Variants in SOAT2 observed in about 807,000 individuals in gnomAD.
SOAT2 encodes sterol O-acyltransferase 2, also known as ACAT-2.
Under a neutral mutation model 76.0 loss-of-function variants are expected in SOAT2, and 87 were observed. The ratio of observed to expected loss-of-function variants is 1.14; its 90% CI spans 0.96 to 1.37. The LOEUF (loss-of-function observed/expected upper bound fraction) is 1.37, where lower values mean the gene tolerates loss of function less well. SOAT2 is among the 40% of genes most tolerant of loss of function. SOAT2 has a pLI of 0.00. For synonymous variants in SOAT2, 285 were observed against 275.4 expected (o/e 1.03, Z -0.34); for missense variants, 686 against 682.1 (o/e 1.01, Z -0.06).
intron 2 of SOAT2, among the ~76,000 whole-genome samples, chr12:53,104,578 G>A (rs1024356130): frequency 6.6e-6 from 1 of 152,072 alleles, no homozygotes; most frequent in African/African-American, 2.4e-5. Flanking sequence ...CCAGCCTGAT[G>A]ACTTGTTCCT....
chr12:53,124,125 G>A lies in SOAT2; in HGVS notation c.*2G>A, dbSNP rs762232374. On this transcript the variant is annotated 3_prime_UTR_variant, in exon 15 of 15. Transcript: ENST00000301466. ...CGATCTTGGTCCTGCCATACCTAGA[G>A]GTCGGGACAGACGACGCTACCTGCC... 1.2e-6 allele frequency: 2 copies of A among 1,614,018 alleles called. No individual in the cohort carries two copies. The highest frequency in any genetic ancestry group is 1.3e-5 in the African/African-American group (1 of 74,894).
Position 53,122,956 on chromosome 12 carries a change from G to C in SOAT2, c.1237-125G>C, listed in dbSNP as rs930953255. 36 of 1,066,640 alleles carry C rather than the reference G, an allele frequency of 3.4e-5. No homozygotes were observed. In the East Asian group the frequency reaches 8.9e-4, roughly 26 times the overall value. The allele number at this position is 1,066,640 out of a possible 1,614,324, so 66.1% of individuals were successfully genotyped here. A position where few individuals can be genotyped will look rare whatever the true frequency, so the allele number is the denominator to read the frequency against. ...TCCCGGACGGGGCGGCTGGCCGGGC[G>C]GGGGGCTGACCCCCCCACCTCCCTG... On this transcript the variant is annotated intron_variant, in intron 12 of 14. Transcript: ENST00000301466.
Position 53,121,406 on chromosome 12 carries a change from G to A in SOAT2, c.1236+5G>A. On this transcript the variant is annotated splice_donor_5th_base_variant and intron_variant, in intron 12 of 14. Coordinates refer to ENST00000301466, the MANE Select transcript of SOAT2 (RefSeq NM_003578.4). ...GTGTATCAGGATGGGCTGCGGGTATGGGCCCTGCAGACCCCTTCAGCTCTC... is the reference window on the plus strand; with the variant it reads ...GTGTATCAGGATGGGCTGCGGGTATAGGCCCTGCAGACCCCTTCAGCTCTC... The A allele has an allele frequency of 6.2e-7, 1 of 1,608,500 alleles. No individual in the cohort carries two copies. Among genetic ancestry groups the A allele is most frequent in the Non-Finnish European group, 8.5e-7 (1 of 1,174,908 alleles).
chr12:53,122,307 C>T (rs1348081002), intron 12 of SOAT2, among the ~76,000 whole-genome samples: 1 of 149,316 alleles, frequency 6.7e-6, no homozygotes, highest in Non-Finnish European at 1.5e-5. Flanking sequence ...TCTGACACAG[C>T]ATTAGGTCAA....
chr12:53,122,338 C>T (rs967217104), intron 12 of SOAT2, among the ~76,000 whole-genome samples: 1 of 149,978 alleles, frequency 6.7e-6, no homozygotes, highest in Non-Finnish European at 1.5e-5. Flanking sequence ...CCCCAAACTA[C>T]CTTTTTTTTT....
chr12:53,105,082 G>T (rs1389473952), intron 2 of SOAT2, 25 bp from the exon 3 acceptor site: 1 of 1,552,320 alleles, frequency 6.4e-7, no homozygotes, highest in Admixed American at 2.0e-5. Flanking sequence ...GGGACAGTGG[G>T]CTCTACCCTG....
At chr12:53,121,440 T>C (rs746190100) in intron 12 of SOAT2, 39 bp downstream of exon 12, 107 of 1,498,924 alleles carry the variant, frequency 7.1e-5, no homozygotes, top group Non-Finnish European at 3.1e-5. Flanking sequence ...TCACAGTTAA[T>C]AGGGGCTCTC....
Position 53,103,657 on chromosome 12 carries a change from A to T in SOAT2, c.80A>T (p.Asp27Val). The change falls in exon 1 of 15, where the codon GAT becomes GTT. Residue 27 changes from aspartate (D) to valine (V), a missense_variant and splice_region_variant. Asp to Val is a radical substitution (Grantham distance 152). Transcript: ENST00000301466. ...GAGCGGGAGCGCCAACCCTGTGGAG[A>T]TGGTGAGCCGCCCTCGGGGGTGCAG... ...GGERERQPCG[D>V]GNTETHRAPD... 1 of 1,530,718 alleles carries T rather than the reference A, an allele frequency of 6.5e-7. No homozygotes were observed. Among genetic ancestry groups the T allele is most frequent in the Non-Finnish European group, 8.8e-7 (1 of 1,140,388 alleles). 94.8% of individuals were successfully genotyped at this position (1,530,718 alleles called of 1,614,324 possible).
chr12:53,103,848 C>G (rs1937881083), intron 1 of SOAT2, among the ~76,000 whole-genome samples, 189 bp downstream of exon 1: 1 of 152,206 alleles, frequency 6.6e-6, no homozygotes, highest in African/African-American at 2.4e-5. Context: ...AGAGCTATGT[C>G]AGAGCTGTGG....
chr12:53,122,602 A>G (rs1592280536), intron 12 of SOAT2, among the ~76,000 whole-genome samples: 1 of 152,028 alleles, frequency 6.6e-6, no homozygotes, highest in East Asian at 1.9e-4. Flanking sequence ...TAATCCATTT[A>G]ACCCTGAGTG....
Position 53,120,846 on chromosome 12 carries a change from C to T in SOAT2, c.1100C>T (p.Ala367Val), listed in dbSNP as rs1938179945. The T allele has an allele frequency of 6.2e-7, 1 of 1,614,006 alleles. No homozygotes were observed. Among genetic ancestry groups the T allele is most frequent in the Non-Finnish European group, 8.5e-7 (1 of 1,179,942 alleles). ...CTCCATTGCTGGCTCAACGCCTTTG[C>T]CGAGATGCTACGATTTGGAGACAGG... is the stretch of plus-strand genomic sequence containing the variant. ...AFLHCWLNAF[A>V]EMLRFGDRMF... The change falls in exon 11 of 15, where the codon GCC becomes GTC. Residue 367 changes from alanine to valine, a missense_variant. Coordinates refer to ENST00000301466, the MANE Select transcript of SOAT2 (RefSeq NM_003578.4).
At chr12:53,105,080 G>C in intron 2 of SOAT2, 27 bp from the exon 3 acceptor site, 5 of 1,551,802 alleles carry the variant, frequency 3.2e-6, no homozygotes, top group Non-Finnish European at 4.4e-6. Context: ...GAGGGACAGT[G>C]GGCTCTACCC....
In SOAT2 at chr12:53,121,338, C is replaced by A; in HGVS notation, c.1173C>A (p.Tyr391Ter). The A allele has an allele frequency of 6.2e-7, 1 of 1,614,128 alleles. No homozygotes were observed. The highest frequency in any genetic ancestry group is 8.5e-7 in the Non-Finnish European group (1 of 1,179,962). ...ACTCAACGTCCTTCTCCAACTACTA[C>A]CGCACTTGGAACGTGGTGGTCCATG... Reference protein sequence around the residue: ...WWNSTSFSNYYRTWNVVVHDW... With the variant: ...WWNSTSFSNY Residue 391 changes from tyrosine (Y) to a stop codon, truncating the protein, a stop_gained, in exon 12 of 15, where the codon TAC becomes TAA. Transcript: ENST00000301466. LOFTEE classifies it high-confidence loss of function.
At chr12:53,115,881 C>A (rs1465504057) in intron 6 of SOAT2, among the ~76,000 whole-genome samples, 1 of 152,200 alleles carries the variant, frequency 6.6e-6, no homozygotes, top group Admixed American at 6.5e-5. Context: ...GGAGGTTGAC[C>A]GGAAGACTCC....
chr12:53,107,622 C>CTTTTTTTTTTTCTTTT (rs1937954596), intron 5 of SOAT2, among the ~76,000 whole-genome samples: 1 of 117,036 alleles, frequency 8.5e-6, no homozygotes, highest in Non-Finnish European at 1.7e-5. Context: ...AACAGATGTA[C>CTTTTTTTTTTTCTTTT]TTTTTTTTTT....
At position 53,106,133 on chromosome 12, in the gene SOAT2, G is replaced by A. The variant is rs574943021; in HGVS notation, c.443+119G>A. The stretch of plus-strand genomic sequence containing the variant: ...GGTTCCCCCTTTGGTTATTGGACAT[G>A]TACCAACATTGCTCCCAACAACCTT... On this transcript the variant is annotated intron_variant, in intron 5 of 14. Coordinates refer to ENST00000301466, the MANE Select transcript of SOAT2 (RefSeq NM_003578.4). 9.2e-6 allele frequency: 6 copies of A among 649,236 alleles called. No homozygotes were observed. In the African/African-American group the frequency reaches 1.1e-4, roughly 12 times the overall value. 40.2% of individuals were successfully genotyped at this position (649,236 alleles called of 1,614,324 possible). A position where few individuals can be genotyped will look rare whatever the true frequency, so the allele number is the denominator to read the frequency against.
At position 53,116,095 on chromosome 12, in the gene SOAT2, A is replaced by C; in HGVS notation, c.709-2A>C. On this transcript the variant is annotated splice_acceptor_variant, in intron 6 of 14. Coordinates refer to ENST00000301466, the MANE Select transcript of SOAT2 (RefSeq NM_003578.4). LOFTEE classifies it high-confidence loss of function. ...TTTTCCTCCCCTTCCATTCTGCCACAGGTTAGGTTCCTGATGAAAAGCTAC... is the reference window on the plus strand; with the variant it reads ...TTTTCCTCCCCTTCCATTCTGCCACCGGTTAGGTTCCTGATGAAAAGCTAC... The C allele has an allele frequency of 6.2e-7, 1 of 1,613,920 alleles. No individual in the cohort carries two copies. Among genetic ancestry groups the C allele is most frequent in the Non-Finnish European group, 8.5e-7 (1 of 1,179,814 alleles).
chr12:53,109,821 A>G lies in SOAT2; in HGVS notation c.443+3807A>G, dbSNP rs1320965798. Among the ~76,000 whole-genome samples the G allele has an allele frequency of 2.1e-5, 3 of 144,428 alleles. No individual in the cohort carries two copies. The East Asian group carries it at 6.0e-4, about 29-fold the overall frequency. The allele number at this position is 144,428 out of a possible 152,430, so 94.8% of individuals were successfully genotyped here. A position where few individuals can be genotyped will look rare whatever the true frequency, so the allele number is the denominator to read the frequency against. The stretch of plus-strand genomic sequence containing the variant: ...TAAGTCTTAATAAAACCTTATACAC[A>G]TGGTTTACCCAATTTTAATGTTTGA... On this transcript the variant is annotated intron_variant, in intron 5 of 14. Transcript: ENST00000301466.
At chr12:53,113,731 A>G (rs1248615257) in intron 5 of SOAT2, among the ~76,000 whole-genome samples, 1 of 152,172 alleles carries the variant, frequency 6.6e-6, no homozygotes, top group Non-Finnish European at 1.5e-5. Context: ...CTCTATGTCT[A>G]TGTGTAGGTG....
Sources: gnomAD v4.1 joint callset for allele counts (sites outside exome capture counted in the v4.1 genomes callset) on GRCh38, gnomAD v4.1.1 for gene constraint, MANE v1.5 for transcripts, NCBI Gene and HGNC (gene_info 2026-07-23, HGNC 2026-07-21) for gene names.